Variants in ACADSB observed in about 807,000 individuals in gnomAD.
ACADSB encodes short/branched chain specific acyl-CoA dehydrogenase, mitochondrial.
A neutral mutation model predicts 54.1 loss-of-function variants in ACADSB; 40 were observed. The ratio of observed to expected loss-of-function variants is 0.74; its 90% CI spans 0.57 to 0.96. The LOEUF (loss-of-function observed/expected upper bound fraction) is 0.96. Ranked by LOEUF, ACADSB falls within the 40% of genes least tolerant of loss-of-function variation. The probability of loss-of-function intolerance (pLI) is 0.00; values close to 1 mark genes in which losing one functional copy is unlikely to be tolerated. For synonymous variants in ACADSB, 182 were observed against 182.8 expected, an observed-to-expected ratio of 1.00 and a Z score of 0.03; for missense variants, 530 against 510.4, an observed-to-expected ratio of 1.04 and a Z score of -0.37.
At chr10:123,026,687 G>T (rs963721272) in intron 1 of ACADSB, among the ~76,000 whole-genome samples, 3 of 150,730 alleles carry the variant, frequency 2.0e-5, no homozygotes, top group African/African-American at 7.3e-5. Flanking sequence ...AGCTCTCTAA[G>T]TCTTAATATG....
intron 1 of ACADSB, among the ~76,000 whole-genome samples, chr10:123,034,089 A>T (rs1021841210): frequency 2.0e-5 from 3 of 152,172 alleles, no homozygotes; most frequent in African/African-American, 7.2e-5. Flanking sequence ...GGAGAATGAA[A>T]TTTTTTGAGA....
intron 1 of ACADSB, among the ~76,000 whole-genome samples, chr10:123,014,024 G>C (rs11597647): frequency 0.3 from 45,264 of 152,242 alleles, 7,980 homozygotes; most frequent in Non-Finnish European, 0.39. Context: ...GCGAGGCACC[G>C]AGAGCAAGCG....
chr10:123,046,091 A>G (rs1850558341), intron 7 of ACADSB, among the ~76,000 whole-genome samples: 1 of 152,206 alleles, frequency 6.6e-6, no homozygotes. Context: ...TTATGTACAA[A>G]TTTTAGCTGT....
chr10:123,026,554 G>T (rs1411394263), intron 1 of ACADSB, among the ~76,000 whole-genome samples: 1 of 152,072 alleles, frequency 6.6e-6, no homozygotes, highest in Non-Finnish European at 1.5e-5. Context: ...ACCCCCAGAG[G>T]TAATGACTTT....
intron 1 of ACADSB, among the ~76,000 whole-genome samples, chr10:123,014,420 A>G (rs1850085362): frequency 6.6e-6 from 1 of 152,216 alleles, no homozygotes; most frequent in Admixed American, 6.5e-5. Flanking sequence ...CTGAAGCTTC[A>G]AAATCCTGGA....
At chr10:123,045,150 TATATATATATATATATATATA>T (rs1452067273) in intron 7 of ACADSB, among the ~76,000 whole-genome samples, 148 of 12,014 alleles carry the variant, frequency 0.012, 5 homozygotes, top group African/African-American at 0.03. Context: ...TATATATATA[TATATATATATATATATATATA>T]TTTTTTTTTT....
At chr10:123,022,695 C>T (rs1263852429) in intron 1 of ACADSB, among the ~76,000 whole-genome samples, 4 of 77,556 alleles carry the variant, frequency 5.2e-5, no homozygotes, top group Admixed American at 2.6e-4. Context: ...GAATTCTTAT[C>T]CTTAGTAACC....
chr10:123,010,944 T>C (rs376021043), intron 1 of ACADSB, among the ~76,000 whole-genome samples: 22 of 152,328 alleles, frequency 1.4e-4, no homozygotes, highest in East Asian at 1.2e-3. Flanking sequence ...GGGGAAGTGA[T>C]AGGCTCTTTG....
intron 7 of ACADSB, among the ~76,000 whole-genome samples, chr10:123,046,849 CAAAA>C: frequency 5.9e-5 from 9 of 152,144 alleles, no homozygotes. Flanking sequence ...CAGTTCTGAG[CAAAA>C]CTTCTATGGC....
At chr10:123,047,808 C>A (rs772954916) in intron 8 of ACADSB, among the ~76,000 whole-genome samples, 7 of 152,214 alleles carry the variant, frequency 4.6e-5, no homozygotes, top group Non-Finnish European at 5.9e-5. Context: ...CTATTCAGAC[C>A]AGAACCATGT....
At chr10:123,045,035 C>T (rs1174023220) in intron 7 of ACADSB, among the ~76,000 whole-genome samples, 1 of 147,856 alleles carries the variant, frequency 6.8e-6, no homozygotes, top group Non-Finnish European at 1.5e-5. Flanking sequence ...TTTTATAATG[C>T]ATATTGCATT....
At position 123,041,282 on chromosome 10, in the gene ACADSB, A is replaced by T; in HGVS notation, c.584A>T (p.Glu195Val). 6.2e-7 allele frequency: 1 copy of T among 1,614,192 alleles called. No individual in the cohort carries two copies. Among genetic ancestry groups the T allele is most frequent in the Non-Finnish European group, 8.5e-7 (1 of 1,180,024 alleles). ...GCTTTGAAGACCAGAGCTGATAAAG[A>T]GGGAGATTATTATGTCCTCAATGGA... ...SFALKTRADK[E>V]GDYYVLNGSK... Residue 195 changes from glutamate (E) to valine (V), a missense_variant, in exon 5 of 11, where the codon GAG becomes GTG. Glu to Val is a moderately radical substitution (Grantham distance 121). Transcript: ENST00000358776.
At chr10:123,046,922 T>C (rs144209199) in intron 7 of ACADSB, among the ~76,000 whole-genome samples, 8 of 152,348 alleles carry the variant, frequency 5.3e-5, no homozygotes, top group Non-Finnish European at 1.0e-4. Context: ...AATCTTAACC[T>C]AAAAAGGTTG....
In ACADSB at chr10:123,037,312, A is replaced by T. The variant is rs540872092; in HGVS notation, c.203-435A>T. Among the ~76,000 whole-genome samples, 39 of 152,334 alleles carry T rather than the reference A, an allele frequency of 2.6e-4. 1 individual carries two copies. In the East Asian group the frequency reaches 5.0e-3, roughly 20 times the overall value. On this transcript the variant is annotated intron_variant, in intron 2 of 10. Transcript: ENST00000358776. ...ATGCTGACATAGAAAGATCATCAAG[A>T]TATAGTTGAGGGGAAGCAAGGCACA...
intron 7 of ACADSB, among the ~76,000 whole-genome samples, chr10:123,046,875 C>G (rs973159290): frequency 3.3e-5 from 5 of 152,178 alleles, no homozygotes; most frequent in Admixed American, 6.5e-5. Flanking sequence ...CATTTTATAC[C>G]TGGAGAATCA....
chr10:123,031,787 A>G lies in ACADSB; in HGVS notation c.43-2569A>G, dbSNP rs116578448. ...ACCCTGTGATCCTATACCATTTCTA[A>G]CCTTTTTAAGTACAATTGTCTCTGT... On this transcript the variant is annotated intron_variant, in intron 1 of 10. Coordinates refer to ENST00000358776, the MANE Select transcript of ACADSB (RefSeq NM_001609.4). 3.3e-3 allele frequency among the ~76,000 whole-genome samples: 499 copies of G among 152,260 alleles called. 5 individuals carry two copies. Among genetic ancestry groups the G allele is most frequent in the African/African-American group, 0.012 (484 of 41,544 alleles).
At position 123,037,850 on chromosome 10, in the gene ACADSB, A is replaced by G. The variant is rs1345480688; in HGVS notation, c.303+3A>G. ...TACAAGGATTATTTCAACAAGGGGT[A>G]CATTTCATAATTCTTCCACTTTCAA... is the stretch of plus-strand genomic sequence containing the variant. On this transcript the variant is annotated splice_donor_region_variant and intron_variant, in intron 3 of 10. Transcript: ENST00000358776. 1.7e-5 allele frequency: 27 copies of G among 1,546,538 alleles called. No individual in the cohort carries two copies. In the Middle Eastern group the frequency reaches 1.2e-3, roughly 67 times the overall value.
In ACADSB at chr10:123,009,211, C is replaced by T. The variant is rs972385539; in HGVS notation, c.42+140C>T. ...GTCCTGGGTCCCCAGACTCTTTACC[C>T]GCGGGCAGTCTATGACCCCGACCCC... On this transcript the variant is annotated intron_variant, in intron 1 of 10. Transcript: ENST00000358776. 4.0e-6 allele frequency: 4 copies of T among 990,574 alleles called. No individual in the cohort carries two copies. In the African/African-American group the frequency reaches 4.8e-5, roughly 12 times the overall value. The allele number at this position is 990,574 out of a possible 1,614,324, so 61.4% of individuals were successfully genotyped here.
chr10:123,043,316 C>G (rs762849417), intron 6 of ACADSB, 145 bp downstream of exon 6: 2 of 1,035,576 alleles, frequency 1.9e-6, no homozygotes, highest in Non-Finnish European at 2.9e-6. Context: ...GAACAGCGCT[C>G]TTTAGTCATG....
Sources: allele counts gnomAD v4.1 joint callset (sites outside exome capture counted in the v4.1 genomes callset), GRCh38; gene constraint gnomAD v4.1.1; transcripts MANE v1.5; gene names NCBI Gene and HGNC (gene_info 2026-07-23, HGNC 2026-07-21).